The following SIRPA variants were observed in gnomAD, a reference collection of about 807,000 sequenced individuals.
The protein encoded by SIRPA is tyrosine-protein phosphatase non-receptor type substrate 1.
A neutral mutation model predicts 50.3 loss-of-function variants in SIRPA; 9 were observed. That is an observed-to-expected ratio of 0.18 (90% CI 0.11 to 0.31). The LOEUF is 0.31. Among genes scored for constraint, SIRPA ranks in the 10% least tolerant of loss-of-function variants. SIRPA has a pLI of 1.00. For synonymous variants in SIRPA, 265 were observed against 284.1 expected (o/e 0.93, Z 0.68); for missense variants, 474 against 661.6 (o/e 0.72, Z 3.11).
At position 1,936,344 on chromosome 20, in the gene SIRPA, A is replaced by G. The variant is rs894036001; in HGVS notation, c.1267-976A>G. 1.1e-4 allele frequency among the ~76,000 whole-genome samples: 16 copies of G among 152,238 alleles called. No homozygotes were observed. On this transcript the variant is annotated intron_variant, in intron 7 of 7. Transcript: ENST00000358771. The surrounding 1 kb of genome is among the most constrained non-coding windows in gnomAD (Gnocchi z 4.2). ...CATTTATTGAAGACAGATGCTCAATAGGTACCAGGCTCTGTTCTAAACGCT... is the reference window on the plus strand; with the variant it reads ...CATTTATTGAAGACAGATGCTCAATGGGTACCAGGCTCTGTTCTAAACGCT...
At position 1,924,584 on chromosome 20, in the gene SIRPA, G is replaced by A. The variant is rs113417889; in HGVS notation, c.1088-180G>A. Among the ~76,000 whole-genome samples the A allele has an allele frequency of 8.5e-3, 1,295 of 152,332 alleles. 11 individuals are homozygous for A. The highest frequency in any genetic ancestry group is 0.015 in the Non-Finnish European group (993 of 68,026). ...CATGGTTTTTGTGCTGTTCATGGATGAGTCTCGTGGGCAAGTGTGTACAGA... is the reference window on the plus strand; with the variant it reads ...CATGGTTTTTGTGCTGTTCATGGATAAGTCTCGTGGGCAAGTGTGTACAGA... On this transcript the variant is annotated intron_variant, in intron 4 of 7. Transcript: ENST00000358771. The surrounding 1 kb of genome is among the most constrained non-coding windows in gnomAD (Gnocchi z 4.5).
Position 1,933,611 on chromosome 20 carries a change from C to G in SIRPA, c.1227-1104C>G, listed in dbSNP as rs963234928. Among the ~76,000 whole-genome samples the G allele has an allele frequency of 6.6e-6, 1 of 152,198 alleles. No individual in the cohort carries two copies. The highest frequency in any genetic ancestry group is 1.5e-5 in the Non-Finnish European group (1 of 68,044). ...GTGATCTTCCCCAGCAGACGTGCCC[C>G]TGCTCCTGGAGGGTTCTTTCTGTGG... On this transcript the variant is annotated intron_variant, in intron 6 of 7. Coordinates refer to ENST00000358771, the MANE Select transcript of SIRPA (RefSeq NM_001040023.2). This position sits in a 1 kb window ranked among gnomAD's most constrained non-coding sequence, Gnocchi z 4.4.
chr20:1,934,026 A>C lies in SIRPA; in HGVS notation c.1227-689A>C, dbSNP rs923683999. Among the ~76,000 whole-genome samples, 3 of 152,226 alleles carry C rather than the reference A, an allele frequency of 2.0e-5. No individual in the cohort carries two copies. Among genetic ancestry groups the C allele is most frequent in the Non-Finnish European group, 4.4e-5 (3 of 68,048 alleles). Reference sequence around the variant, plus strand: ...AAAAATACCATGCAAAGACCACTGCAGTTTGCATTTTGCTATGTTTCCTTC... The same window carrying C: ...AAAAATACCATGCAAAGACCACTGCCGTTTGCATTTTGCTATGTTTCCTTC... On this transcript the variant is annotated intron_variant, in intron 6 of 7. Transcript: ENST00000358771. This position sits in a 1 kb window ranked among gnomAD's most constrained non-coding sequence, Gnocchi z 4.6.
At chr20:1,902,296 A>G (rs990998028) in intron 1 of SIRPA, among the ~76,000 whole-genome samples, 1 of 152,022 alleles carries the variant, frequency 6.6e-6, no homozygotes, top group African/African-American at 2.4e-5. Flanking sequence ...CACGAGCCAA[A>G]CAGTATGGCC....
At chr20:1,904,871 G>A (rs1369687718) in intron 1 of SIRPA, among the ~76,000 whole-genome samples, 1 of 152,086 alleles carries the variant, frequency 6.6e-6, no homozygotes, top group East Asian at 1.9e-4. Flanking sequence ...AGACTCCTCT[G>A]GGAGGAGAGG....
intron 6 of SIRPA, among the ~76,000 whole-genome samples, chr20:1,930,181 C>T (rs1272191081): frequency 1.3e-5 from 2 of 152,200 alleles, no homozygotes; most frequent in Non-Finnish European, 2.9e-5. Flanking sequence ...CTGTCACCTG[C>T]TCACCTCCTG....
chr20:1,895,753 GTGGACTC>G (rs1409840364), intron 1 of SIRPA, among the ~76,000 whole-genome samples: 1 of 152,258 alleles, frequency 6.6e-6, no homozygotes, highest in Non-Finnish European at 1.5e-5. Flanking sequence ...GTTTGTCTCT[GTGGACTC>G]TGACTCTGTG....
chr20:1,912,558 C>T (rs1984956362), intron 1 of SIRPA, among the ~76,000 whole-genome samples: 2 of 152,230 alleles, frequency 1.3e-5, no homozygotes, highest in South Asian at 4.1e-4. Flanking sequence ...CTACATCCTA[C>T]TATTGGGAAT....
intron 1 of SIRPA, among the ~76,000 whole-genome samples, chr20:1,910,294 T>C (rs1379296543): frequency 6.6e-6 from 1 of 152,224 alleles, no homozygotes; most frequent in Non-Finnish European, 1.5e-5. Context: ...GACCACCCAC[T>C]GTGCTGACTG....
At position 1,927,514 on chromosome 20, in the gene SIRPA, C is replaced by T. The variant is rs538819239; in HGVS notation, c.1202-361C>T. ...CCTGCTAGAATCTGTTTTCAAGCCA[C>T]GAAGGGCACTGATTGGGACCTAGGC... is the stretch of plus-strand genomic sequence containing the variant. On this transcript the variant is annotated intron_variant, in intron 5 of 7. Transcript: ENST00000358771. This position sits in a 1 kb window ranked among gnomAD's most constrained non-coding sequence, Gnocchi z 6.5. Among the ~76,000 whole-genome samples the T allele has an allele frequency of 4.6e-5, 7 of 152,272 alleles. No homozygotes were observed. Among genetic ancestry groups the T allele is most frequent in the Admixed American group, 2.0e-4 (3 of 15,310 alleles).
intron 1 of SIRPA, among the ~76,000 whole-genome samples, chr20:1,910,528 G>A (rs895443682): frequency 7.9e-5 from 12 of 152,192 alleles, no homozygotes; most frequent in Non-Finnish European, 1.0e-4. Flanking sequence ...CTAGACATGC[G>A]ATTGACCAAT....
At position 1,928,039 on chromosome 20, in the gene SIRPA, C is replaced by T; in HGVS notation, c.1226+140C>T. The T allele has an allele frequency of 1.3e-6, 1 of 788,614 alleles. No homozygotes were observed. Among genetic ancestry groups the T allele is most frequent in the Admixed American group, 1.9e-5 (1 of 53,932 alleles). The allele number at this position is 788,614 out of a possible 1,614,324, so 48.9% of individuals were successfully genotyped here. ...TGTCTCTTTCTCTCCTTTGTAACCT[C>T]CTCACACTGGGTCACGCTGTTTTTA... On this transcript the variant is annotated intron_variant, in intron 6 of 7. Transcript: ENST00000358771. The surrounding 1 kb of genome is among the most constrained non-coding windows in gnomAD (Gnocchi z 4.9).
intron 1 of SIRPA, among the ~76,000 whole-genome samples, chr20:1,910,038 C>T (rs79940853): frequency 0.15 from 22,057 of 152,026 alleles, 2,089 homozygotes; most frequent in Admixed American, 0.22. Flanking sequence ...AGGAAGGGGC[C>T]GGGAGATGGG....
At chr20:1,905,644 G>C (rs1010325974) in intron 1 of SIRPA, among the ~76,000 whole-genome samples, 6 of 152,230 alleles carry the variant, frequency 3.9e-5, no homozygotes, top group African/African-American at 1.4e-4. Context: ...AAAATGAGGA[G>C]GAGGAAAGGT....
In SIRPA at chr20:1,915,125, G is replaced by T; in HGVS notation, c.106G>T (p.Val36Leu). ...AGTGGCGGGTGAGGAGGAGCTGCAG[G>T]TGATTCAGCCTGACAAGTCCGTGTT... ...SGVAGEEELQ[V>L]IQPDKSVLVA... Residue 36 changes from valine (V) to leucine (L), a missense_variant, in exon 2 of 8, where the codon GTG becomes TTG. Around this residue, in one of 4 missense-constraint regions of SIRPA, gnomAD observed 72 missense variants for 76.2 expected, o/e 0.94. Transcript: ENST00000358771. 1 of 1,598,280 alleles carries T rather than the reference G, an allele frequency of 6.3e-7. No homozygotes were observed. The highest frequency in any genetic ancestry group is 8.5e-7 in the Non-Finnish European group (1 of 1,169,884).
In SIRPA at chr20:1,915,171, C is replaced by A. The variant is rs747805113; in HGVS notation, c.152C>A (p.Ala51Asp). Residue 51 changes from alanine (A) to aspartate (D), a missense_variant, in exon 2 of 8, where the codon GCC becomes GAC. Ala to Asp is a moderately radical substitution (Grantham distance 126, BLOSUM62 -2). Around this residue, in one of 4 missense-constraint regions of SIRPA, gnomAD observed 72 missense variants for 76.2 expected, o/e 0.94. Coordinates refer to ENST00000358771, the MANE Select transcript of SIRPA (RefSeq NM_001040023.2). ...GTGTTGGTTGCAGCTGGAGAGACAGCCACTCTGCGCTGCACTGCGACCTCT... is the reference window on the plus strand; with the variant it reads ...GTGTTGGTTGCAGCTGGAGAGACAGACACTCTGCGCTGCACTGCGACCTCT... ...KSVLVAAGET[A>D]TLRCTATSLI... is the part of the protein sequence containing the mutation. 1 of 1,463,166 alleles carries A rather than the reference C, an allele frequency of 6.8e-7. No homozygotes were observed. The highest frequency in any genetic ancestry group is 9.4e-7 in the Non-Finnish European group (1 of 1,061,268). 90.6% of individuals were successfully genotyped at this position (1,463,166 alleles called of 1,614,324 possible). A position where few individuals can be genotyped will look rare whatever the true frequency, so the allele number is the denominator to read the frequency against.
rs1172651504 is a variant in SIRPA at position 1,940,060 on chromosome 20, T to C, written c.*2492T>C. The C allele has an allele frequency of 6.6e-6, 1 of 152,186 alleles. No homozygotes were observed. The highest frequency in any genetic ancestry group is 1.5e-5 in the Non-Finnish European group (1 of 68,026). The allele number at this position is 152,186 out of a possible 1,614,324, so 9.4% of individuals were successfully genotyped here. ...CACGTAGGTTTTAGAGACGTACAAT[T>C]TTTGTTTGCCCTGGCTCAGAAGGAG... On this transcript the variant is annotated 3_prime_UTR_variant, in exon 8 of 8. Coordinates refer to ENST00000358771, the MANE Select transcript of SIRPA (RefSeq NM_001040023.2).
chr20:1,906,817 G>A (rs947839936), intron 1 of SIRPA, among the ~76,000 whole-genome samples: 9 of 152,142 alleles, frequency 5.9e-5, no homozygotes, highest in East Asian at 5.8e-4. Context: ...AAGAGGTCAG[G>A]GTCTGGCCAT....
At chr20:1,918,886 C>T (rs1466853780) in intron 2 of SIRPA, among the ~76,000 whole-genome samples, 1 of 152,180 alleles carries the variant, frequency 6.6e-6, no homozygotes, top group Non-Finnish European at 1.5e-5. Context: ...AGTCCAACTG[C>T]CTGGGCCACA....
Sources: allele counts gnomAD v4.1 joint callset (sites outside exome capture counted in the v4.1 genomes callset), GRCh38; gene constraint gnomAD v4.1.1; regional missense constraint gnomAD v4.1.1; non-coding constraint Gnocchi (gnomAD v3.1); transcripts MANE v1.5; gene names NCBI Gene and HGNC (gene_info 2026-07-23, HGNC 2026-07-21).